Variants in KCNS3 observed in about 807,000 individuals in gnomAD.
KCNS3 encodes the protein delayed-rectifier potassium channel regulatory subunit KCNS3.
KCNS3 carries 13 observed loss-of-function variants against 31.0 expected under a neutral mutation model. The ratio of observed to expected loss-of-function variants is 0.42; its 90% CI spans 0.27 to 0.67. The LOEUF is 0.67. KCNS3 is among the 30% of genes least tolerant of loss of function. KCNS3 has a pLI of 0.25. For synonymous variants in KCNS3, 238 were observed against 241.5 expected (o/e 0.99, Z 0.13); for missense variants, 545 against 622.4 (o/e 0.88, Z 1.32).
intron 1 of KCNS3, among the ~76,000 whole-genome samples, chr2:17,911,413 T>C (rs1046422975): frequency 1.3e-5 from 2 of 152,246 alleles, no homozygotes; most frequent in African/African-American, 4.8e-5. Context: ...TAAGTTCATT[T>C]GATATCTATC....
At chr2:17,919,569 T>C (rs1190630858) in intron 2 of KCNS3, 1 of 152,226 alleles carries the variant, frequency 6.6e-6, no homozygotes, top group African/African-American at 2.4e-5. Context: ...ATGCTGTTTT[T>C]GTTTTGTTAA....
intron 1 of KCNS3, among the ~76,000 whole-genome samples, chr2:17,912,635 C>A (rs557422074): frequency 2.0e-4 from 30 of 152,338 alleles, no homozygotes; most frequent in Non-Finnish European, 3.8e-4. Flanking sequence ...TCCCTGCTGC[C>A]TCCCCTCCAT....
At position 17,932,218 on chromosome 2, in the gene KCNS3, A is replaced by G. The variant is rs746555232; in HGVS notation, c.1210A>G (p.Ile404Val). 2 of 1,613,904 alleles carry G rather than the reference A, an allele frequency of 1.2e-6. No individual in the cohort carries two copies. Among genetic ancestry groups the G allele is most frequent in the East Asian group, 4.5e-5 (2 of 44,874 alleles). ...GILVVALPIT[I>V]IFNKFSKYYQ... The stretch of plus-strand genomic sequence containing the variant: ...CTTGGTGGTGGCCCTTCCCATCACC[A>G]TCATCTTCAACAAGTTTTCCAAGTA... Residue 404 changes from isoleucine (I) to valine (V), a missense_variant, in exon 3 of 3, where the codon ATC becomes GTC. Ile to Val is a conservative substitution (Grantham distance 29, BLOSUM62 3). Coordinates refer to ENST00000304101, the MANE Select transcript of KCNS3 (RefSeq NM_002252.5).
At chr2:17,877,900 C>T (rs888517074), upstream of KCNS3, 1 of 152,248 alleles carries the variant, frequency 6.6e-6, no homozygotes, top group Non-Finnish European at 1.5e-5. Context: ...TCGCCGAGGT[C>T]CTGGTTTGTT....
At chr2:17,926,247 G>A (rs1003533862) in intron 2 of KCNS3, among the ~76,000 whole-genome samples, 3 of 152,222 alleles carry the variant, frequency 2.0e-5, no homozygotes, top group Non-Finnish European at 2.9e-5. Context: ...GCAAGGTACA[G>A]CCCTCCTCCC....
rs1011574710 is a variant in KCNS3 at position 17,931,803 on chromosome 2, C to T, written c.795C>T (p.Pro265=). Residue 265 remains proline, a synonymous_variant, in exon 3 of 3, where the codon CCC becomes CCT. Coordinates refer to ENST00000304101, the MANE Select transcript of KCNS3 (RefSeq NM_002252.5). The surrounding 1 kb of genome is among the most constrained non-coding windows in gnomAD (Gnocchi z 5.4). The stretch of plus-strand genomic sequence containing the variant: ...TCATTGACTTTGTCTCTATTATTCC[C>T]TTCTATGCCACGTTGGCTGTAGACA... ...LNIIDFVSII[P]FYATLAVDTK... is the part of the protein sequence containing the mutation. The T allele has an allele frequency of 2.3e-5, 37 of 1,614,050 alleles. No individual in the cohort carries two copies. Among genetic ancestry groups the T allele is most frequent in the Non-Finnish European group, 3.0e-5 (35 of 1,180,032 alleles).
intron 1 of KCNS3, among the ~76,000 whole-genome samples, chr2:17,907,311 G>A (rs1311136009): frequency 6.6e-6 from 1 of 152,128 alleles, no homozygotes; most frequent in African/African-American, 2.4e-5. Context: ...CCATTTGCTT[G>A]GTAGATCTTC....
rs564154793 is a variant in KCNS3, at chr2:17,878,671, C to A, written c.-387C>A. ...AGCGGGGCGGGACCGACGGACAGAC[C>A]GGCCGACGCGGGCCACCCCGCTCTC... On this transcript the variant is annotated 5_prime_UTR_variant, in exon 1 of 3. Coordinates refer to ENST00000304101, the MANE Select transcript of KCNS3 (RefSeq NM_002252.5). 6.7e-6 allele frequency: 1 copy of A among 149,620 alleles called. No homozygotes were observed. Among genetic ancestry groups the A allele is most frequent in the Non-Finnish European group, 1.5e-5 (1 of 67,210 alleles). 9.3% of individuals were successfully genotyped at this position (149,620 alleles called of 1,614,324 possible).
At chr2:17,878,496 G>A (rs1461710190), upstream of KCNS3, among the ~76,000 whole-genome samples, 1 of 151,614 alleles carries the variant, frequency 6.6e-6, no homozygotes, top group Non-Finnish European at 1.5e-5. Context: ...GCAGTCCTCA[G>A]CCGCCCGCGC....
rs146751164 is a variant in KCNS3 at position 17,901,985 on chromosome 2, G to C, written c.-251-15695G>C. On this transcript the variant is annotated intron_variant, in intron 1 of 2. Coordinates refer to ENST00000304101, the MANE Select transcript of KCNS3 (RefSeq NM_002252.5). ...TCCTCTCATTTTGGGTCCCTGCCTT[G>C]CTCCTGCAGACATTTTATTAATATT... Among the ~76,000 whole-genome samples, 502 of 152,154 alleles carry C rather than the reference G, an allele frequency of 3.3e-3. 2 individuals carry two copies. The highest frequency in any genetic ancestry group is 0.011 in the African/African-American group (463 of 41,506).
At chr2:17,915,852 A>G (rs1437232521) in intron 1 of KCNS3, among the ~76,000 whole-genome samples, 1 of 152,164 alleles carries the variant, frequency 6.6e-6, no homozygotes, top group Non-Finnish European at 1.5e-5. Flanking sequence ...TTTGGATAGG[A>G]ATCATGGTGA....
intron 1 of KCNS3, among the ~76,000 whole-genome samples, chr2:17,888,502 G>C (rs1347936370): frequency 2.6e-5 from 4 of 151,108 alleles, no homozygotes; most frequent in Non-Finnish European, 5.9e-5. Context: ...GATAGCATTA[G>C]GAGATATACC....
intron 1 of KCNS3, among the ~76,000 whole-genome samples, chr2:17,884,268 A>AAAAAAATATATATAT (rs1459540269): frequency 1.1e-4 from 5 of 46,696 alleles, no homozygotes; most frequent in Non-Finnish European, 1.6e-4. Flanking sequence ...AAAAAAAAAA[A>AAAAAAATATATATAT]ATATATATAT....
intron 2 of KCNS3, among the ~76,000 whole-genome samples, chr2:17,927,594 A>G (rs1662867161): frequency 6.6e-6 from 1 of 152,236 alleles, no homozygotes. Context: ...CATGTCTTAC[A>G]TGGTGGCAGA....
At chr2:17,927,282 T>C (rs529612651) in intron 2 of KCNS3, among the ~76,000 whole-genome samples, 229 of 152,322 alleles carry the variant, frequency 1.5e-3, no homozygotes, top group Non-Finnish European at 2.5e-3. Context: ...CCAAAACCAC[T>C]CAACAAGTCT....
In KCNS3 at chr2:17,932,528, A is replaced by G. The variant is rs749478578; in HGVS notation, c.*44A>G. On this transcript the variant is annotated 3_prime_UTR_variant, in exon 3 of 3. Coordinates refer to ENST00000304101, the MANE Select transcript of KCNS3 (RefSeq NM_002252.5). The stretch of plus-strand genomic sequence containing the variant: ...GTTTCTCTTATCCTTTCCCGACATT[A>G]GGTTAACACAGCTTTATAAACCTCA... 1 of 1,554,952 alleles carries G rather than the reference A, an allele frequency of 6.4e-7. No individual in the cohort carries two copies. The highest frequency in any genetic ancestry group is 8.7e-7 in the Non-Finnish European group (1 of 1,152,144).
chr2:17,915,652 G>A (rs1238365867), intron 1 of KCNS3, among the ~76,000 whole-genome samples: 1 of 152,138 alleles, frequency 6.6e-6, no homozygotes, highest in Non-Finnish European at 1.5e-5. Context: ...AATGGCTGAG[G>A]GCAGAGGAGA....
intron 1 of KCNS3, among the ~76,000 whole-genome samples, chr2:17,911,505 A>G (rs1341571166): frequency 6.6e-6 from 1 of 152,202 alleles, no homozygotes; most frequent in Non-Finnish European, 1.5e-5. Flanking sequence ...AACTATTTTC[A>G]TAAATATTTT....
intron 1 of KCNS3, among the ~76,000 whole-genome samples, chr2:17,895,593 C>T (rs1462676880): frequency 6.6e-6 from 1 of 152,158 alleles, no homozygotes; most frequent in Non-Finnish European, 1.5e-5. Flanking sequence ...CTGGACATCT[C>T]CCACGTGTTT....
Sources: gnomAD v4.1 joint callset for allele counts (sites outside exome capture counted in the v4.1 genomes callset) on GRCh38, gnomAD v4.1.1 for gene constraint, Gnocchi (gnomAD v3.1) non-coding constraint, MANE v1.5 for transcripts, NCBI Gene and HGNC (gene_info 2026-07-23, HGNC 2026-07-21) for gene names.